The following KIAA0825 variants were observed in gnomAD, a reference collection of about 807,000 sequenced individuals.
KIAA0825 encodes uncharacterized protein KIAA0825.
Under a neutral mutation model 147.6 loss-of-function variants are expected in KIAA0825, and 119 were observed. That is an observed-to-expected ratio of 0.81 (90% CI 0.69 to 0.94). KIAA0825 has a LOEUF of 0.94. Ranked by LOEUF, KIAA0825 falls within the 40% of genes least tolerant of loss-of-function variation. KIAA0825 has a pLI of 0.00. For synonymous variants in KIAA0825, 470 were observed against 518.1 expected, an observed-to-expected ratio of 0.91 and a Z score of 1.26; for missense variants, 1,381 against 1,472.7, an observed-to-expected ratio of 0.94 and a Z score of 1.02.
chr5:94,527,971 T>C (rs1769680491), intron 3 of KIAA0825, among the ~76,000 whole-genome samples: 1 of 151,922 alleles, frequency 6.6e-6, no homozygotes, highest in Admixed American at 6.6e-5. Flanking sequence ...TTTAAAAGAA[T>C]ATTTAAAAAA....
intron 15 of KIAA0825, among the ~76,000 whole-genome samples, chr5:94,409,013 T>C (rs1201577527): frequency 6.6e-6 from 1 of 152,212 alleles, no homozygotes; most frequent in Non-Finnish European, 1.5e-5. Context: ...TACAGATTCA[T>C]GGTATGAATA....
At chr5:94,411,674 C>T (rs1466379629) in intron 15 of KIAA0825, among the ~76,000 whole-genome samples, 4 of 152,146 alleles carry the variant, frequency 2.6e-5, no homozygotes, top group Non-Finnish European at 5.9e-5. Flanking sequence ...CTGGGCCAGG[C>T]GTGGTGGCTC....
chr5:94,512,553 A>G lies in KIAA0825; in HGVS notation c.970+7695T>C, dbSNP rs187559077. 2.0e-3 allele frequency among the ~76,000 whole-genome samples: 298 copies of G among 151,858 alleles called. 1 individual carries two copies. The highest frequency in any genetic ancestry group is 7.0e-3 in the African/African-American group (289 of 41,390). ...AAGGCAAGAGGATTGCTTGAGCCCA[A>G]GCATTCAAGACCAGCTTGGGCAACA... On this transcript the variant is annotated intron_variant, in intron 5 of 20. Transcript: ENST00000682413.
intron 20 of KIAA0825, among the ~76,000 whole-genome samples, chr5:94,308,402 T>C (rs886582228): frequency 1.2e-4 from 18 of 151,818 alleles, no homozygotes; most frequent in South Asian, 4.1e-4. Context: ...CCAGTATTGG[T>C]TTTAAAGATC....
chr5:94,161,736 T>G (rs1460375531), intron 20 of KIAA0825, among the ~76,000 whole-genome samples: 1 of 152,218 alleles, frequency 6.6e-6, no homozygotes, highest in Non-Finnish European at 1.5e-5. Flanking sequence ...ATAACATATT[T>G]TCTTTTTCAA....
chr5:94,304,853 A>C (rs953359489), intron 20 of KIAA0825, among the ~76,000 whole-genome samples: 1 of 152,050 alleles, frequency 6.6e-6, no homozygotes, highest in Non-Finnish European at 1.5e-5. Flanking sequence ...ATGGTTCATA[A>C]ACTCCTAGAA....
At chr5:94,383,484 AT>A (rs1206089086) in intron 20 of KIAA0825, among the ~76,000 whole-genome samples, 2 of 152,224 alleles carry the variant, frequency 1.3e-5, no homozygotes, top group Non-Finnish European at 1.5e-5. Flanking sequence ...GCAAAAAGAT[AT>A]GGAAATACAT....
chr5:94,356,074 G>A (rs895965910), intron 20 of KIAA0825, among the ~76,000 whole-genome samples: 2 of 152,132 alleles, frequency 1.3e-5, no homozygotes, highest in Admixed American at 1.3e-4. Flanking sequence ...GCTCTGAGGG[G>A]CAAGGTCCTA....
chr5:94,567,503 C>T (rs551391893), intron 2 of KIAA0825: 41 of 152,250 alleles, frequency 2.7e-4, no homozygotes, highest in African/African-American at 9.6e-4. Flanking sequence ...ACTTATTTTC[C>T]TAATCACCAT....
intron 20 of KIAA0825, among the ~76,000 whole-genome samples, chr5:94,235,918 C>CT (rs1775015940): frequency 6.6e-6 from 1 of 152,106 alleles, no homozygotes; most frequent in African/African-American, 2.4e-5. Flanking sequence ...ACTGTTGAGA[C>CT]CTACTGCTCA....
intron 5 of KIAA0825, among the ~76,000 whole-genome samples, chr5:94,500,981 C>A (rs1375997944): frequency 2.0e-5 from 3 of 152,036 alleles, no homozygotes; most frequent in African/African-American, 4.8e-5. Flanking sequence ...GTTTCACTAT[C>A]CTCACCTCAG....
chr5:94,514,684 TATC>T (rs1266614605), intron 5 of KIAA0825, among the ~76,000 whole-genome samples: 2 of 152,228 alleles, frequency 1.3e-5, no homozygotes, highest in African/African-American at 4.8e-5. Context: ...TCTTTCGTAA[TATC>T]ATCATTCAAA....
At chr5:94,545,736 AG>A (rs1372777094) in intron 2 of KIAA0825, among the ~76,000 whole-genome samples, 1 of 152,234 alleles carries the variant, frequency 6.6e-6, no homozygotes, top group African/African-American at 2.4e-5. Flanking sequence ...TGTGGGCCTC[AG>A]GTGAGATTCT....
intron 19 of KIAA0825, among the ~76,000 whole-genome samples, chr5:94,385,834 T>A (rs572454289): frequency 6.6e-6 from 1 of 152,312 alleles, no homozygotes; most frequent in African/African-American, 2.4e-5. Flanking sequence ...CTATTTATAA[T>A]TAATTTTAAC....
chr5:94,475,841 T>C (rs756510202), intron 7 of KIAA0825, among the ~76,000 whole-genome samples: 20 of 151,794 alleles, frequency 1.3e-4, no homozygotes, highest in Admixed American at 2.0e-4. Flanking sequence ...AAAAGAAAAC[T>C]GAAAACCTTT....
intron 5 of KIAA0825, among the ~76,000 whole-genome samples, chr5:94,519,055 G>T (rs1264642035): frequency 6.6e-6 from 1 of 151,838 alleles, no homozygotes; most frequent in East Asian, 1.9e-4. Context: ...TATTTGCTTT[G>T]AGCAAAATAA....
intron 20 of KIAA0825, among the ~76,000 whole-genome samples, chr5:94,220,750 T>A (rs977818878): frequency 6.6e-6 from 1 of 152,220 alleles, no homozygotes; most frequent in African/African-American, 2.4e-5. Flanking sequence ...GAATCCTGAT[T>A]CAGATTCCAT....
At chr5:94,480,437 C>T (rs928020911) in intron 6 of KIAA0825, among the ~76,000 whole-genome samples, 3 of 151,906 alleles carry the variant, frequency 2.0e-5, no homozygotes, top group African/African-American at 7.3e-5. Flanking sequence ...TTGTTAATGA[C>T]AAGAAGGGAC....
intron 20 of KIAA0825, among the ~76,000 whole-genome samples, chr5:94,231,477 A>C (rs1256805900): frequency 6.6e-6 from 1 of 152,184 alleles, no homozygotes; most frequent in Non-Finnish European, 1.5e-5. Flanking sequence ...ACAGTTAAAA[A>C]AACACATTTA....
Sources: gnomAD v4.1 joint callset for allele counts (sites outside exome capture counted in the v4.1 genomes callset) on GRCh38, gnomAD v4.1.1 for gene constraint, MANE v1.5 for transcripts, NCBI Gene and HGNC (gene_info 2026-07-23, HGNC 2026-07-21) for gene names.